The following USP8 variants were observed in gnomAD, a reference collection of about 807,000 sequenced individuals.
The protein encoded by USP8 is ubiquitin carboxyl-terminal hydrolase 8.
In USP8, 27 loss-of-function variants were observed where a neutral mutation model predicts 130.0. The observed-to-expected ratio is 0.21, with a 90% CI of 0.15 to 0.29. USP8 has a LOEUF of 0.29. Among genes scored for constraint, USP8 ranks in the 10% least tolerant of loss-of-function variants. USP8 has a pLI of 1.00. For synonymous variants in USP8, 392 were observed against 444.1 expected (o/e 0.88, Z 1.48); for missense variants, 1,029 against 1,312.2 (o/e 0.78, Z 3.33).
At chr15:50,436,721 A>T (rs1419302451) in intron 1 of USP8, among the ~76,000 whole-genome samples, 3 of 151,986 alleles carry the variant, frequency 2.0e-5, no homozygotes, top group African/African-American at 7.2e-5. Flanking sequence ...CCCAGGCTGG[A>T]GTGCAGGGTG....
At chr15:50,479,513 A>G (rs1359967516) in intron 10 of USP8, among the ~76,000 whole-genome samples, 1 of 152,226 alleles carries the variant, frequency 6.6e-6, no homozygotes, top group Non-Finnish European at 1.5e-5. Context: ...TAAACTTGAG[A>G]GTAACATGAT....
chr15:50,497,071 C>T lies in USP8; in HGVS notation c.2896-18C>T, dbSNP rs773886265. 5.0e-6 allele frequency: 8 copies of T among 1,586,646 alleles called. No homozygotes were observed. The South Asian group carries it at 9.3e-5, about 18-fold the overall frequency. ...GAATCGAATTAACGAGTATCTGCTA[C>T]TTGTTTTTTTCTGCCAGGATTGCCT... On this transcript the variant is annotated intron_variant, in intron 17 of 19. Coordinates refer to ENST00000307179, the MANE Select transcript of USP8 (RefSeq NM_005154.5).
At chr15:50,453,656 C>A (rs1273207861) in intron 4 of USP8, among the ~76,000 whole-genome samples, 1 of 152,078 alleles carries the variant, frequency 6.6e-6, no homozygotes, top group Admixed American at 6.5e-5. Context: ...TCTTCTTTAT[C>A]TTTACTGACT....
chr15:50,499,036 A>G lies in USP8; in HGVS notation c.3305A>G (p.Tyr1102Cys). The G allele has an allele frequency of 6.2e-7, 1 of 1,613,850 alleles. No homozygotes were observed. The highest frequency in any genetic ancestry group is 2.2e-5 in the East Asian group (1 of 44,872). ...TCTTCTGTGAAATCTTCAGCAGCTTATATCCTCTTTTATACTTCATTGGGA... is the reference window on the plus strand; with the variant it reads ...TCTTCTGTGAAATCTTCAGCAGCTTGTATCCTCTTTTATACTTCATTGGGA... ...SVSSVKSSAA[Y>C]ILFYTSLGPR... The change falls in exon 20 of 20, where the codon TAT (tyrosine) becomes TGT (cysteine). Residue 1102 changes from tyrosine to cysteine, a missense_variant. Physicochemically the swap from Tyr to Cys is radical, Grantham distance 194 (BLOSUM62 -2). Around this residue, in one of 4 missense-constraint regions of USP8, gnomAD observed 257 missense variants for 429.8 expected, o/e 0.60. Transcript: ENST00000307179.
chr15:50,424,522 C>T lies in USP8; in HGVS notation c.-66+8C>T. On this transcript the variant is annotated splice_region_variant and intron_variant, in intron 1 of 19. Coordinates refer to ENST00000307179, the MANE Select transcript of USP8 (RefSeq NM_005154.5). ...AGCGCGCCCGGCGTCACGGTGAGTG[C>T]GGGTCTTGGGCCCTAGCACCTGTTC... The T allele has an allele frequency of 2.5e-6, 1 of 398,664 alleles. No individual in the cohort carries two copies. The highest frequency in any genetic ancestry group is 3.6e-5 in the East Asian group (1 of 28,072). The allele number at this position is 398,664 out of a possible 1,614,324, so 24.7% of individuals were successfully genotyped here. A position where few individuals can be genotyped will look rare whatever the true frequency, so the allele number is the denominator to read the frequency against.
Position 50,513,078 on chromosome 15 carries a change from A to G in USP8, c.*13990A>G, listed in dbSNP as rs1318603797. ...ATACAATAGGAAAAACTAAAATGAG[A>G]TAATTTTGTATCCATTAGATGGCAA... On this transcript the variant is annotated 3_prime_UTR_variant, in exon 20 of 20. Transcript: ENST00000307179. 6.6e-6 allele frequency: 1 copy of G among 152,198 alleles called. No homozygotes were observed. The highest frequency in any genetic ancestry group is 1.5e-5 in the Non-Finnish European group (1 of 68,050). The allele number at this position is 152,198 out of a possible 1,614,324, so 9.4% of individuals were successfully genotyped here.
chr15:50,441,326 A>G, intron 2 of USP8, 23 bp from the exon 3 acceptor site: 1 of 1,566,014 alleles, frequency 6.4e-7, no homozygotes. Context: ...TGCTTTAATT[A>G]TTATTTTTTC....
intron 13 of USP8, 83 bp downstream of exon 13, chr15:50,489,964 A>G: frequency 8.6e-7 from 1 of 1,163,812 alleles, no homozygotes; most frequent in South Asian, 1.6e-5. Context: ...TCTGTAATGC[A>G]GAGTCAATTC....
chr15:50,459,961 CCTT>C (rs1295362730), intron 5 of USP8, among the ~76,000 whole-genome samples: 1 of 148,002 alleles, frequency 6.8e-6, no homozygotes, highest in African/African-American at 2.5e-5. Context: ...TTTGCTTTCT[CCTT>C]CTTTTTCTCC....
intron 1 of USP8, among the ~76,000 whole-genome samples, chr15:50,430,246 C>T (rs890330052): frequency 1.3e-5 from 2 of 152,034 alleles, no homozygotes; most frequent in Non-Finnish European, 2.9e-5. Flanking sequence ...CCTTGGGAGG[C>T]TGAGGCAAGA....
intron 12 of USP8, among the ~76,000 whole-genome samples, chr15:50,487,153 A>G (rs2051992820): frequency 6.6e-6 from 1 of 152,102 alleles, no homozygotes; most frequent in East Asian, 1.9e-4. Context: ...TTATTAATGT[A>G]ACCAAATATC....
At chr15:50,495,484 G>T (rs915501613) in intron 16 of USP8, among the ~76,000 whole-genome samples, 4 of 115,408 alleles carry the variant, frequency 3.5e-5, no homozygotes, top group Non-Finnish European at 7.0e-5. Flanking sequence ...AGTAGAGATT[G>T]GAGGGGGGGG....
At chr15:50,471,890 G>C in intron 8 of USP8, 95 bp downstream of exon 8, 3 of 1,178,484 alleles carry the variant, frequency 2.5e-6, no homozygotes, top group Non-Finnish European at 3.6e-6. Flanking sequence ...AATACTAAAA[G>C]ATTCATCATG....
chr15:50,441,969 CTTTTTTTTTTTT>C (rs1011150634), intron 3 of USP8, among the ~76,000 whole-genome samples: 2 of 81,438 alleles, frequency 2.5e-5, no homozygotes, highest in Non-Finnish European at 4.4e-5. Context: ...CTCCCTAAAT[CTTTTTTTTTTTT>C]TTTTTTTTTT....
intron 5 of USP8, among the ~76,000 whole-genome samples, chr15:50,460,231 C>A (rs2050942584): frequency 6.6e-6 from 1 of 150,558 alleles, no homozygotes; most frequent in South Asian, 2.1e-4. Flanking sequence ...CTCCTGACCT[C>A]CAGTGATCTG....
intron 3 of USP8, 46 bp from the exon 4 acceptor site, chr15:50,449,354 C>T (rs1356006100): frequency 3.1e-6 from 4 of 1,276,096 alleles, no homozygotes; most frequent in South Asian, 1.5e-5. Flanking sequence ...GTGTCACATG[C>T]AATGCCGAGA....
At chr15:50,459,229 G>A (rs2050897994) in intron 5 of USP8, 67 bp downstream of exon 5, 1 of 1,529,850 alleles carries the variant, frequency 6.5e-7, no homozygotes, top group Non-Finnish European at 8.8e-7. Context: ...CTTAAAAAGA[G>A]TTGAGATACC....
rs1045844992 is a variant in USP8, at chr15:50,512,176, AC to A, written c.*13090del. On this transcript the variant is annotated 3_prime_UTR_variant, in exon 20 of 20. Transcript: ENST00000307179. ...AGCCTGGTCAACATGGTGAAACCCC[AC>A]CTCTACTAAAAATACAAAAATACAC... 3 of 151,556 alleles carry A rather than the reference AC, an allele frequency of 2.0e-5. No individual in the cohort carries two copies. The highest frequency in any genetic ancestry group is 2.0e-4 in the Admixed American group (3 of 15,204). The allele number at this position is 151,556 out of a possible 1,614,324, so 9.4% of individuals were successfully genotyped here. A position where few individuals can be genotyped will look rare whatever the true frequency, so the allele number is the denominator to read the frequency against.
intron 16 of USP8, among the ~76,000 whole-genome samples, chr15:50,494,905 C>T (rs564596426): frequency 6.6e-6 from 1 of 152,008 alleles, no homozygotes; most frequent in Non-Finnish European, 1.5e-5. Flanking sequence ...ATCCCAGCTA[C>T]TCAGGTGGCT....
Sources: gnomAD v4.1 joint callset for allele counts (sites outside exome capture counted in the v4.1 genomes callset) on GRCh38, gnomAD v4.1.1 for gene constraint, gnomAD v4.1.1 regional missense constraint, MANE v1.5 for transcripts, NCBI Gene and HGNC (gene_info 2026-07-23, HGNC 2026-07-21) for gene names.